Variants in PSD3 observed in about 807,000 individuals in gnomAD.
The protein encoded by PSD3 is PH and SEC7 domain-containing protein 3.
A neutral mutation model predicts 105.5 loss-of-function variants in PSD3; 49 were observed. The ratio of observed to expected loss-of-function variants is 0.46; its 90% confidence interval spans 0.37 to 0.59. The LOEUF (loss-of-function observed/expected upper bound fraction) is 0.59. PSD3 is among the 20% of genes least tolerant of loss of function. The pLI, the probability that PSD3 is intolerant of heterozygous loss-of-function variation, is 0.00. For synonymous variants in PSD3, 557 were observed against 457.8 expected, an observed-to-expected ratio of 1.22 and a Z score of -2.77; for missense variants, 1,561 against 1,263.8, an observed-to-expected ratio of 1.24 and a Z score of -3.57.
rs796576784 is a variant in PSD3 at position 18,947,674 on chromosome 8, T to C, written c.22-11532A>G. On this transcript the variant is annotated intron_variant, in intron 1 of 15. Transcript: ENST00000327040. Reference sequence around the variant, plus strand: ...TGCCTTTAACAGGTTCAAATGAATCTTCCTTTGGTAACCTTCATGTTGGAC... The same window carrying C: ...TGCCTTTAACAGGTTCAAATGAATCCTCCTTTGGTAACCTTCATGTTGGAC... 1.1e-4 allele frequency among the ~76,000 whole-genome samples: 16 copies of C among 152,338 alleles called. 1 individual carries two copies. Among genetic ancestry groups the C allele is most frequent in the African/African-American group, 3.6e-4 (15 of 41,574 alleles).
intron 2 of PSD3, among the ~76,000 whole-genome samples, chr8:18,889,810 A>C (rs969561888): frequency 4.6e-5 from 7 of 152,180 alleles, no homozygotes; most frequent in Non-Finnish European, 8.8e-5. Flanking sequence ...TTAGAACAAA[A>C]TTTTGGGAGG....
chr8:18,542,131 G>A (rs1016934801), intron 15 of PSD3, among the ~76,000 whole-genome samples: 2 of 152,106 alleles, frequency 1.3e-5, no homozygotes, highest in African/African-American at 4.8e-5. Flanking sequence ...GTGAGAAACT[G>A]GACCACTGTA....
intron 10 of PSD3, 58 bp downstream of exon 10, chr8:18,655,584 G>C (rs1166756937): frequency 6.7e-7 from 1 of 1,482,248 alleles, no homozygotes; most frequent in Admixed American, 1.7e-5. Flanking sequence ...AAGGCATAAA[G>C]ACAGTAGGAA....
intron 4 of PSD3, among the ~76,000 whole-genome samples, chr8:18,858,498 A>T (rs1167897304): frequency 6.6e-6 from 1 of 152,178 alleles, no homozygotes; most frequent in African/African-American, 2.4e-5. Context: ...TCTTCTTTTC[A>T]CAAAATATTT....
At chr8:18,589,805 G>A (rs569402973) in intron 12 of PSD3, among the ~76,000 whole-genome samples, 20 of 152,260 alleles carry the variant, frequency 1.3e-4, no homozygotes, top group African/African-American at 4.8e-4. Context: ...CTCTGGAGCT[G>A]AAAGCAAAGG....
intron 1 of PSD3, among the ~76,000 whole-genome samples, chr8:18,994,696 C>A (rs1283986582): frequency 6.6e-6 from 1 of 151,744 alleles, no homozygotes; most frequent in African/African-American, 2.4e-5. Context: ...ACATTACTTC[C>A]ATTGATTTCT....
chr8:18,919,991 A>C (rs957623365), intron 2 of PSD3, among the ~76,000 whole-genome samples: 1 of 150,594 alleles, frequency 6.6e-6, no homozygotes, highest in African/African-American at 2.4e-5. Context: ...CCTAAAACTT[A>C]AAGTATAATA....
At chr8:18,565,920 A>G (rs1318474966) in intron 14 of PSD3, among the ~76,000 whole-genome samples, 2 of 152,074 alleles carry the variant, frequency 1.3e-5, no homozygotes, top group African/African-American at 2.4e-5. Flanking sequence ...ATCGCTAAAC[A>G]TCCTACAATT....
chr8:18,694,533 C>A (rs981379672), intron 9 of PSD3, among the ~76,000 whole-genome samples: 9 of 151,830 alleles, frequency 5.9e-5, no homozygotes, highest in South Asian at 2.1e-4. Flanking sequence ...TGGCGTGAAC[C>A]CGGGAGGCAG....
At chr8:18,616,865 CG>C (rs1805728917) in intron 11 of PSD3, among the ~76,000 whole-genome samples, 1 of 151,818 alleles carries the variant, frequency 6.6e-6, no homozygotes, top group African/African-American at 2.4e-5. Flanking sequence ...CCTCGTGATC[CG>C]CCCGCCTCGG....
At chr8:18,824,834 A>T (rs1483104798) in intron 4 of PSD3, among the ~76,000 whole-genome samples, 1 of 152,188 alleles carries the variant, frequency 6.6e-6, no homozygotes, top group East Asian at 1.9e-4. Flanking sequence ...TACTTCAGCC[A>T]GCGTGCCAGG....
In PSD3 at chr8:18,534,316, G is replaced by A. The variant is rs570856686; in HGVS notation, c.*1427C>T. ...ACTTTAGGGATTACAGAGTTTCAAG[G>A]TTAGGAAATCACAAAGCTCTAGGTC... On this transcript the variant is annotated 3_prime_UTR_variant, in exon 16 of 16. Transcript: ENST00000327040. 157 of 152,620 alleles carry A rather than the reference G, an allele frequency of 1.0e-3. No homozygotes were observed. The highest frequency in any genetic ancestry group is 3.7e-3 in the African/African-American group (154 of 41,518). The allele number at this position is 152,620 out of a possible 1,614,324, so 9.5% of individuals were successfully genotyped here.
intron 11 of PSD3, among the ~76,000 whole-genome samples, chr8:18,622,598 GTTA>G (rs930911363): frequency 1.3e-5 from 2 of 152,196 alleles, no homozygotes; most frequent in South Asian, 4.1e-4. Context: ...TTAGTAAGGT[GTTA>G]TTGACCAATA....
chr8:18,756,576 G>C (rs1806059313), intron 9 of PSD3, among the ~76,000 whole-genome samples: 1 of 151,836 alleles, frequency 6.6e-6, no homozygotes, highest in African/African-American at 2.4e-5. Flanking sequence ...CCAGCACTTA[G>C]ACTGAAACGA....
intron 8 of PSD3, among the ~76,000 whole-genome samples, chr8:18,788,141 G>T (rs1000171206): frequency 6.6e-6 from 1 of 152,156 alleles, no homozygotes; most frequent in African/African-American, 2.4e-5. Context: ...GAAGGAAGTG[G>T]TATTGGTACT....
At chr8:18,836,005 C>T (rs892998080) in intron 4 of PSD3, among the ~76,000 whole-genome samples, 1 of 152,114 alleles carries the variant, frequency 6.6e-6, no homozygotes, top group Admixed American at 6.6e-5. Flanking sequence ...GGGAATAAAC[C>T]GTGCTCACCT....
At chr8:18,612,843 A>G (rs1287708257) in intron 11 of PSD3, among the ~76,000 whole-genome samples, 1 of 152,204 alleles carries the variant, frequency 6.6e-6, no homozygotes, top group East Asian at 1.9e-4. Context: ...TAGACAATAG[A>G]AGAGACAAAA....
At chr8:18,780,641 C>T (rs760973430) in intron 8 of PSD3, among the ~76,000 whole-genome samples, 8 of 152,058 alleles carry the variant, frequency 5.3e-5, no homozygotes, top group Non-Finnish European at 1.0e-4. Context: ...GTAAGCTCTG[C>T]GTCTTGGGTT....
chr8:18,949,263 A>G (rs1287080859), intron 1 of PSD3, among the ~76,000 whole-genome samples: 1 of 111,248 alleles, frequency 9.0e-6, no homozygotes, highest in South Asian at 3.1e-4. Context: ...ATATATATAT[A>G]TATATATATA....
Sources: allele counts gnomAD v4.1 joint callset (sites outside exome capture counted in the v4.1 genomes callset), GRCh38; gene constraint gnomAD v4.1.1; transcripts MANE v1.5; gene names NCBI Gene and HGNC (gene_info 2026-07-23, HGNC 2026-07-21).